Variants in GRID2 observed in about 807,000 individuals in gnomAD.
GRID2 encodes the protein glutamate ionotropic receptor delta type subunit 2.
GRID2 carries 33 observed loss-of-function variants against 114.8 expected under a neutral mutation model. That is an observed-to-expected ratio of 0.29 (90% CI 0.22 to 0.38). The LOEUF (loss-of-function observed/expected upper bound fraction) is 0.38. GRID2 is among the 10% of genes least tolerant of loss of function. GRID2 has a pLI of 1.00. For missense variants in GRID2, 1,184 were observed against 1,257.7 expected (o/e 0.94, Z 0.89); for synonymous variants, 505 against 449.9 (o/e 1.12, Z -1.55).
intron 1 of GRID2, among the ~76,000 whole-genome samples, chr4:92,305,364 G>A (rs1211966456): frequency 6.6e-6 from 1 of 152,130 alleles, no homozygotes. Context: ...AGGGGCTGGC[G>A]GCAGTGTCGC....
At chr4:93,272,937 C>A (rs1751624387) in intron 8 of GRID2, among the ~76,000 whole-genome samples, 1 of 152,322 alleles carries the variant, frequency 6.6e-6, no homozygotes, top group Middle Eastern at 3.4e-3. Context: ...AGGGATTCCT[C>A]ACTCCCATGT....
chr4:92,327,462 T>G (rs183890865), intron 1 of GRID2, among the ~76,000 whole-genome samples: 21 of 151,916 alleles, frequency 1.4e-4, no homozygotes, highest in African/African-American at 4.6e-4. Context: ...TGGTAGGGAG[T>G]AACTACACAT....
Position 92,718,234 on chromosome 4 carries a change from A to G in GRID2, c.244+127948A>G, listed in dbSNP as rs149864627. ...ATTATATAGTTTAGATAACTCTATA[A>G]TAGCAAATGTGAAGAAACATAGGAA... On this transcript the variant is annotated intron_variant, in intron 2 of 15. Coordinates refer to ENST00000282020, the MANE Select transcript of GRID2 (RefSeq NM_001510.4). Among the ~76,000 whole-genome samples, 18 of 152,212 alleles carry G rather than the reference A, an allele frequency of 1.2e-4. No individual in the cohort carries two copies. In the East Asian group the frequency reaches 3.5e-3, roughly 29 times the overall value.
At chr4:92,806,981 T>C (rs951183031) in intron 2 of GRID2, among the ~76,000 whole-genome samples, 1 of 151,950 alleles carries the variant, frequency 6.6e-6, no homozygotes, top group African/African-American at 2.4e-5. Context: ...TTGGATAGAA[T>C]AGGGAATTTA....
intron 13 of GRID2, among the ~76,000 whole-genome samples, chr4:93,566,140 T>C (rs1037048796): frequency 6.6e-6 from 1 of 152,176 alleles, no homozygotes; most frequent in Non-Finnish European, 1.5e-5. Flanking sequence ...ACACCCATTA[T>C]TTAGAGAATG....
At chr4:93,165,976 G>A (rs1388966403) in intron 4 of GRID2, 1 of 152,182 alleles carries the variant, frequency 6.6e-6, no homozygotes, top group African/African-American at 2.4e-5. Context: ...CAAATTAAAG[G>A]TGTTTTATCT....
chr4:93,198,331 G>T (rs1741711709), intron 4 of GRID2, among the ~76,000 whole-genome samples: 1 of 152,082 alleles, frequency 6.6e-6, no homozygotes, highest in South Asian at 2.1e-4. Flanking sequence ...GAGACTCATG[G>T]GGGAGCAATA....
chr4:92,630,525 C>G (rs998472026), intron 2 of GRID2, among the ~76,000 whole-genome samples: 1 of 152,204 alleles, frequency 6.6e-6, no homozygotes, highest in African/African-American at 2.4e-5. Context: ...ATGTGTTGTC[C>G]TAAGGATTCC....
chr4:93,551,188 T>C (rs892294420), intron 13 of GRID2, among the ~76,000 whole-genome samples: 2 of 152,200 alleles, frequency 1.3e-5, no homozygotes, highest in Admixed American at 1.3e-4. Flanking sequence ...CAGGTAACCA[T>C]GTGGAGGAAA....
intron 1 of GRID2, among the ~76,000 whole-genome samples, chr4:92,575,453 T>C (rs1727841251): frequency 6.6e-6 from 1 of 152,206 alleles, no homozygotes; most frequent in Non-Finnish European, 1.5e-5. Flanking sequence ...TGTGGACTTA[T>C]CTACCCATGA....
At chr4:93,508,816 A>G (rs1728895027) in intron 12 of GRID2, among the ~76,000 whole-genome samples, 1 of 152,214 alleles carries the variant, frequency 6.6e-6, no homozygotes, top group Non-Finnish European at 1.5e-5. Context: ...AAATGTGAAC[A>G]TATTCCAAGT....
intron 2 of GRID2, among the ~76,000 whole-genome samples, chr4:92,652,866 A>AAATATATAAAAATATATT (rs1732017940): frequency 7.2e-6 from 1 of 139,388 alleles, no homozygotes; most frequent in Non-Finnish European, 1.6e-5. Context: ...ATATAAATAC[A>AAATATATAAAAATATATT]TATAAATATA....
At chr4:92,949,528 A>G (rs1387113778) in intron 2 of GRID2, among the ~76,000 whole-genome samples, 2 of 151,826 alleles carry the variant, frequency 1.3e-5, no homozygotes, top group African/African-American at 2.4e-5. Context: ...GGTAGAATTG[A>G]CATAGTTCAG....
intron 2 of GRID2, among the ~76,000 whole-genome samples, chr4:92,778,524 G>A (rs1169087539): frequency 6.6e-6 from 1 of 151,902 alleles, no homozygotes; most frequent in Non-Finnish European, 1.5e-5. Context: ...TTTGACAACG[G>A]TTTTACGACA....
intron 2 of GRID2, among the ~76,000 whole-genome samples, chr4:93,021,751 TATA>T (rs1054638329): frequency 4.8e-5 from 7 of 146,028 alleles, no homozygotes; most frequent in Admixed American, 1.4e-4. Flanking sequence ...TATAATTATT[TATA>T]ATATGAATAT....
At chr4:93,195,187 TTTGAGTTACTGG>T (rs1348047304) in intron 4 of GRID2, among the ~76,000 whole-genome samples, 5 of 152,150 alleles carry the variant, frequency 3.3e-5, no homozygotes, top group African/African-American at 1.2e-4. Flanking sequence ...GCTGACTCAG[TTTGAGTTACTGG>T]TACAGATACT....
intron 1 of GRID2, among the ~76,000 whole-genome samples, chr4:92,474,796 T>A (rs1722214384): frequency 6.6e-6 from 1 of 152,108 alleles, no homozygotes; most frequent in African/African-American, 2.4e-5. Flanking sequence ...GCCATTTGTA[T>A]GTCTTCTTTG....
At chr4:93,472,178 G>A (rs889618385) in intron 11 of GRID2, among the ~76,000 whole-genome samples, 4 of 151,498 alleles carry the variant, frequency 2.6e-5, no homozygotes, top group Non-Finnish European at 5.9e-5. Flanking sequence ...TACAAAATTA[G>A]CCAAGCATGG....
At chr4:92,526,127 A>G (rs1725030746) in intron 1 of GRID2, among the ~76,000 whole-genome samples, 1 of 151,922 alleles carries the variant, frequency 6.6e-6, no homozygotes, top group Non-Finnish European at 1.5e-5. Flanking sequence ...GGAAGAAGGG[A>G]AAAAGGGAGG....
Sources: gnomAD v4.1 joint callset for allele counts (sites outside exome capture counted in the v4.1 genomes callset) on GRCh38, gnomAD v4.1.1 for gene constraint, MANE v1.5 for transcripts, NCBI Gene and HGNC (gene_info 2026-07-23, HGNC 2026-07-21) for gene names.